The following SIL1 variants were observed in gnomAD, a reference collection of about 807,000 sequenced individuals.
SIL1 encodes the protein nucleotide exchange factor SIL1.
SIL1 carries 40 observed loss-of-function variants against 49.1 expected under a neutral mutation model. That is an observed-to-expected ratio of 0.81 (90% CI 0.63 to 1.06). The LOEUF is 1.06. Among genes scored for constraint, SIL1 ranks in the 50% least tolerant of loss-of-function variants. The pLI is 0.00. For synonymous variants in SIL1, 253 were observed against 250.8 expected, an observed-to-expected ratio of 1.01 and a Z score of -0.08; for missense variants, 500 against 572.6, an observed-to-expected ratio of 0.87 and a Z score of 1.29.
chr5:139,124,124 A>C (rs919115171), intron 2 of SIL1, among the ~76,000 whole-genome samples: 4 of 152,216 alleles, frequency 2.6e-5, no homozygotes, highest in Admixed American at 1.3e-4. Flanking sequence ...AATTCTCATC[A>C]AGAGAAGCAG....
intron 1 of SIL1, among the ~76,000 whole-genome samples, chr5:139,134,538 T>G (rs1750934682): frequency 6.6e-6 from 1 of 152,156 alleles, no homozygotes; most frequent in Non-Finnish European, 1.5e-5. Context: ...CCCTGTTAGA[T>G]CCACACACTG....
chr5:139,067,670 C>T (rs1313233939), intron 3 of SIL1, among the ~76,000 whole-genome samples: 2 of 152,226 alleles, frequency 1.3e-5, no homozygotes, highest in African/African-American at 4.8e-5. Flanking sequence ...AAAACACATA[C>T]ATAAACACTC....
At chr5:138,983,646 C>T (rs920010139) in intron 7 of SIL1, among the ~76,000 whole-genome samples, 3 of 151,998 alleles carry the variant, frequency 2.0e-5, no homozygotes, top group African/African-American at 4.8e-5. Context: ...AGGAGATTCC[C>T]GTCCAACCAC....
Position 139,138,760 on chromosome 5 carries a change from CTAT to C in SIL1, c.-10-10910_-10-10908del, listed in dbSNP as rs939264850. 4.3e-4 allele frequency among the ~76,000 whole-genome samples: 65 copies of C among 152,282 alleles called. 1 individual carries two copies. The highest frequency in any genetic ancestry group is 1.4e-3 in the African/African-American group (60 of 41,534). On this transcript the variant is annotated intron_variant, in intron 1 of 9. Coordinates refer to ENST00000394817, the MANE Select transcript of SIL1 (RefSeq NM_022464.5). ...CTCATAAAGCTTATAGCTCTCACTA[CTAT>C]TATTAGAGAAAATTCTGAGCAAAGA...
chr5:139,056,595 T>C (rs1334676539), intron 3 of SIL1, among the ~76,000 whole-genome samples: 1 of 126,488 alleles, frequency 7.9e-6, no homozygotes, highest in Non-Finnish European at 1.6e-5. Flanking sequence ...GGGAGGGAGG[T>C]GGGGGGGTCA....
chr5:139,035,171 C>T, intron 5 of SIL1: 1 of 359,348 alleles, frequency 2.8e-6, no homozygotes, highest in South Asian at 2.9e-5. Flanking sequence ...CATTCCACTG[C>T]ACCACTGTTG....
At chr5:139,144,436 G>A (rs914225986) in intron 1 of SIL1, among the ~76,000 whole-genome samples, 2 of 152,192 alleles carry the variant, frequency 1.3e-5, no homozygotes, top group African/African-American at 4.8e-5. Context: ...AATCAAAAGT[G>A]TGGTAATGAT....
intron 5 of SIL1, among the ~76,000 whole-genome samples, chr5:139,031,708 T>G (rs910327333): frequency 6.6e-6 from 1 of 152,242 alleles, no homozygotes; most frequent in South Asian, 2.1e-4. Flanking sequence ...ACATTTTTAC[T>G]ATGTTGAATG....
intron 1 of SIL1, among the ~76,000 whole-genome samples, chr5:139,156,743 A>G (rs2151808693): frequency 6.6e-6 from 1 of 152,346 alleles, no homozygotes; most frequent in Admixed American, 6.5e-5. Flanking sequence ...AAGGAAGAAC[A>G]GATTTTGCCC....
intron 5 of SIL1, among the ~76,000 whole-genome samples, chr5:139,038,209 T>A (rs1581049783): frequency 1.3e-5 from 2 of 152,334 alleles, no homozygotes; most frequent in East Asian, 3.9e-4. Context: ...CATAACAGCA[T>A]CTGTTGATTG....
chr5:138,960,086 C>T (rs1158398054), intron 7 of SIL1, among the ~76,000 whole-genome samples: 3 of 152,148 alleles, frequency 2.0e-5, no homozygotes, highest in Non-Finnish European at 4.4e-5. Context: ...TTGTTTTAAA[C>T]AAGGAATCTG....
At chr5:138,966,177 C>T (rs183537121) in intron 7 of SIL1, among the ~76,000 whole-genome samples, 1 of 152,252 alleles carries the variant, frequency 6.6e-6, no homozygotes, top group Admixed American at 6.5e-5. Context: ...CAGCCTTCCA[C>T]TCAAACCCCC....
chr5:138,988,206 G>A (rs543955205), intron 7 of SIL1, among the ~76,000 whole-genome samples: 3 of 152,324 alleles, frequency 2.0e-5, no homozygotes, highest in Non-Finnish European at 2.9e-5. Flanking sequence ...AAAGCTCCTG[G>A]TGGCCATTGT....
chr5:139,110,157 A>C (rs1287048738), intron 3 of SIL1, among the ~76,000 whole-genome samples: 1 of 151,012 alleles, frequency 6.6e-6, no homozygotes, highest in African/African-American at 2.4e-5. Flanking sequence ...TGACAGAGCA[A>C]GACTCTGTCT....
At chr5:138,992,068 A>G (rs891766534) in intron 7 of SIL1, among the ~76,000 whole-genome samples, 1 of 152,200 alleles carries the variant, frequency 6.6e-6, no homozygotes, top group African/African-American at 2.4e-5. Context: ...TACGCAGACC[A>G]TGGAAGGAAA....
At chr5:139,002,162 A>G (rs1768000118) in intron 7 of SIL1, among the ~76,000 whole-genome samples, 1 of 151,048 alleles carries the variant, frequency 6.6e-6, no homozygotes, top group South Asian at 2.1e-4. Flanking sequence ...GTGAACCAAG[A>G]TCATGCCACT....
chr5:139,159,301 T>C (rs1028862076), intron 1 of SIL1, among the ~76,000 whole-genome samples: 1 of 152,148 alleles, frequency 6.6e-6, no homozygotes, highest in African/African-American at 2.4e-5. Context: ...AAAGAGGGGA[T>C]GGAGAAGAAA....
At chr5:139,000,933 CA>C (rs1056042737) in intron 7 of SIL1, among the ~76,000 whole-genome samples, 1 of 151,402 alleles carries the variant, frequency 6.6e-6, no homozygotes, top group Non-Finnish European at 1.5e-5. Flanking sequence ...AAAACATAAA[CA>C]AAAGACTCTA....
In SIL1 at chr5:139,143,336, CACACACACATAT is replaced by C. The variant is rs1482114435; in HGVS notation, c.-10-15495_-10-15484del. Among the ~76,000 whole-genome samples the C allele has an allele frequency of 5.5e-3, 442 of 80,460 alleles. 4 individuals are homozygous for C. Among genetic ancestry groups the C allele is most frequent in the African/African-American group, 0.022 (353 of 16,102 alleles). The allele number at this position is 80,460 out of a possible 152,430, so 52.8% of individuals were successfully genotyped here. A position where few individuals can be genotyped will look rare whatever the true frequency, so the allele number is the denominator to read the frequency against. ...ACACACACACACACACACACACACACACACACACATATATATATATATATATATATGGTTTTT... is the reference window on the plus strand; with the variant it reads ...ACACACACACACACACACACACACACATATATATATATATATATGGTTTTT... On this transcript the variant is annotated intron_variant, in intron 1 of 9. Transcript: ENST00000394817.
Sources: allele counts gnomAD v4.1 joint callset (sites outside exome capture counted in the v4.1 genomes callset), GRCh38; gene constraint gnomAD v4.1.1; transcripts MANE v1.5; gene names NCBI Gene and HGNC (gene_info 2026-07-23, HGNC 2026-07-21).